The following GRHL2 variants were observed in gnomAD, a reference collection of about 807,000 sequenced individuals.
GRHL2 encodes the protein grainyhead-like protein 2 homolog.
A neutral mutation model predicts 83.8 loss-of-function variants in GRHL2; 21 were observed. The observed-to-expected ratio is 0.25, with a 90% CI of 0.18 to 0.36. The LOEUF (loss-of-function observed/expected upper bound fraction) is 0.36, where lower values mean the gene tolerates loss of function less well. GRHL2 is among the 10% of genes least tolerant of loss of function. GRHL2 has a pLI of 1.00. For synonymous variants in GRHL2, 280 were observed against 278.9 expected, an observed-to-expected ratio of 1.00 and a Z score of -0.04; for missense variants, 623 against 781.8, an observed-to-expected ratio of 0.80 and a Z score of 2.42.
chr8:101,526,525 CTTTTTTTTTTTTT>C (rs33928032), intron 1 of GRHL2, among the ~76,000 whole-genome samples: 1 of 109,658 alleles, frequency 9.1e-6, no homozygotes, highest in South Asian at 3.0e-4. Flanking sequence ...TCTTTTTTTC[CTTTTTTTTTTTTT>C]TTTTTTTTGC....
chr8:101,584,779 T>A (rs1304610841), intron 7 of GRHL2, among the ~76,000 whole-genome samples: 1 of 151,664 alleles, frequency 6.6e-6, no homozygotes, highest in Non-Finnish European at 1.5e-5. Flanking sequence ...TGTTGGGAAG[T>A]CAGGTAGCCA....
intron 7 of GRHL2, among the ~76,000 whole-genome samples, chr8:101,580,202 T>C (rs776056401): frequency 6.6e-6 from 1 of 152,300 alleles, no homozygotes; most frequent in South Asian, 2.1e-4. Flanking sequence ...TATGTACTTA[T>C]GGAGTACCTG....
chr8:101,524,661 A>C (rs1373289657), intron 1 of GRHL2, among the ~76,000 whole-genome samples: 1 of 152,134 alleles, frequency 6.6e-6, no homozygotes, highest in African/African-American at 2.4e-5. Flanking sequence ...GTTGGTTTAA[A>C]ATTTAACTAT....
chr8:101,657,368 A>G (rs1006997334), intron 14 of GRHL2, among the ~76,000 whole-genome samples: 1 of 152,208 alleles, frequency 6.6e-6, no homozygotes, highest in Non-Finnish European at 1.5e-5. Flanking sequence ...TTTCCACAAA[A>G]TAAGTCCAAA....
rs528367845 is a variant in GRHL2 at position 101,650,919 on chromosome 8, A to G, written c.1698+1420A>G. ...TCTGTTATTAACAAGTCCCCAGGCAATTCCGAGTGGAGCATCAAGGACCTC... is the reference window on the plus strand; with the variant it reads ...TCTGTTATTAACAAGTCCCCAGGCAGTTCCGAGTGGAGCATCAAGGACCTC... On this transcript the variant is annotated intron_variant, in intron 14 of 15. Transcript: ENST00000646743. Among the ~76,000 whole-genome samples the G allele has an allele frequency of 2.0e-5, 3 of 152,236 alleles. No individual in the cohort carries two copies. In the South Asian group the frequency reaches 6.2e-4, roughly 32 times the overall value.
rs886607107 is a variant in GRHL2, at chr8:101,568,586, GT to G, written c.679-1741del. Among the ~76,000 whole-genome samples the G allele has an allele frequency of 7.5e-3, 1,085 of 144,826 alleles. 12 individuals are homozygous for G. Among genetic ancestry groups the G allele is most frequent in the African/African-American group, 0.019 (741 of 39,730 alleles). On this transcript the variant is annotated intron_variant, in intron 4 of 15. Transcript: ENST00000646743. ...ATATATAGCCATTTTCTGTATTTTA[GT>G]TTTTTTTTTTTAATGTGAATTTATT...
chr8:101,539,875 C>T (rs1019412050), intron 1 of GRHL2, among the ~76,000 whole-genome samples: 6 of 152,180 alleles, frequency 3.9e-5, no homozygotes, highest in African/African-American at 7.2e-5. Flanking sequence ...GCCCTCACAG[C>T]ACCACCCATG....
At chr8:101,653,097 C>T (rs1263495887) in intron 14 of GRHL2, among the ~76,000 whole-genome samples, 1 of 152,144 alleles carries the variant, frequency 6.6e-6, no homozygotes, top group African/African-American at 2.4e-5. Flanking sequence ...TCTCCTGAGC[C>T]CAGAGGCAAA....
At position 101,500,594 on chromosome 8, in the gene GRHL2, C is replaced by T. The variant is rs1000146232; in HGVS notation, c.20+7805C>T. Reference sequence around the variant, plus strand: ...CACGATCTCGGCTCACTGCAACCTCCGCCTCCTAGGTTCAAGCAGTTCTCC... The same window carrying T: ...CACGATCTCGGCTCACTGCAACCTCTGCCTCCTAGGTTCAAGCAGTTCTCC... On this transcript the variant is annotated intron_variant, in intron 1 of 15. Transcript: ENST00000646743. 9.2e-5 allele frequency among the ~76,000 whole-genome samples: 14 copies of T among 152,238 alleles called. 1 individual carries two copies. In the East Asian group the frequency reaches 1.4e-3, roughly 15 times the overall value.
intron 4 of GRHL2, among the ~76,000 whole-genome samples, chr8:101,567,036 G>A (rs1283037453): frequency 6.6e-6 from 1 of 151,974 alleles, no homozygotes; most frequent in Non-Finnish European, 1.5e-5. Context: ...AAAAAATTGT[G>A]GCTAATCAAA....
chr8:101,608,774 CACA>C (rs1283424289), intron 8 of GRHL2, among the ~76,000 whole-genome samples: 32 of 145,670 alleles, frequency 2.2e-4, no homozygotes, highest in Admixed American at 1.8e-3. Context: ...CACACACACA[CACA>C]CCTACACCTC....
rs368599802 is a variant in GRHL2 at position 101,587,742 on chromosome 8, C to CA, written c.1003+10232dup. ...ATTATTGGATTGGCTTAAAAATGAC[C>CA]AAAAAAAAACCTAGAGATACAATTA... On this transcript the variant is annotated intron_variant, in intron 7 of 15. Coordinates refer to ENST00000646743, the MANE Select transcript of GRHL2 (RefSeq NM_024915.4). Among the ~76,000 whole-genome samples, 570 of 151,180 alleles carry CA rather than the reference C, an allele frequency of 3.8e-3. 5 individuals carry two copies. The highest frequency in any genetic ancestry group is 6.3e-3 in the Non-Finnish European group (428 of 67,834).
chr8:101,598,954 A>G (rs931363835), intron 7 of GRHL2, 103 bp from the exon 8 acceptor site: 2 of 799,404 alleles, frequency 2.5e-6, no homozygotes, highest in African/African-American at 3.4e-5. Flanking sequence ...TAGCCTGAAA[A>G]ATAAACGAAG....
At chr8:101,678,586 C>T in the GRHL2 span, among the ~76,000 whole-genome samples, 1 of 151,784 alleles carries the variant, frequency 6.6e-6, no homozygotes, top group Non-Finnish European at 1.5e-5. Context: ...CACCACAGCT[C>T]AAGGAGGCCT....
chr8:101,548,741 G>A (rs566069111), intron 2 of GRHL2, among the ~76,000 whole-genome samples: 14 of 152,276 alleles, frequency 9.2e-5, no homozygotes, highest in African/African-American at 2.6e-4. Context: ...TTTCAAAAAA[G>A]AGCATGGTTC....
intron 8 of GRHL2, among the ~76,000 whole-genome samples, chr8:101,604,751 A>C (rs941969517): frequency 2.0e-5 from 3 of 152,226 alleles, no homozygotes; most frequent in Non-Finnish European, 2.9e-5. Flanking sequence ...ACCTTAGTTC[A>C]GGATTCAGTG....
At chr8:101,616,225 C>T in intron 8 of GRHL2, among the ~76,000 whole-genome samples, 1 of 151,512 alleles carries the variant, frequency 6.6e-6, no homozygotes, top group East Asian at 1.9e-4. Context: ...GGCTGGAGTG[C>T]AATGGCATGA....
intron 1 of GRHL2, among the ~76,000 whole-genome samples, chr8:101,518,216 C>T (rs1810610599): frequency 6.6e-6 from 1 of 152,180 alleles, no homozygotes; most frequent in Non-Finnish European, 1.5e-5. Flanking sequence ...TTAATCCAGC[C>T]TGGTCAACGT....
At chr8:101,663,779 C>G (rs754863993) in intron 14 of GRHL2, among the ~76,000 whole-genome samples, 5 of 151,716 alleles carry the variant, frequency 3.3e-5, no homozygotes, top group Non-Finnish European at 7.4e-5. Context: ...CTTCCTTTGC[C>G]CATTGAATTG....
Sources: gnomAD v4.1 joint callset for allele counts (sites outside exome capture counted in the v4.1 genomes callset) on GRCh38, gnomAD v4.1.1 for gene constraint, MANE v1.5 for transcripts, NCBI Gene and HGNC (gene_info 2026-07-23, HGNC 2026-07-21) for gene names.